LYAR: variants seen among roughly 807,000 people sequenced by gnomAD.
LYAR encodes the protein Ly1 antibody reactive.
In LYAR, 37 loss-of-function variants were observed where a neutral mutation model predicts 45.2. The observed-to-expected ratio is 0.82, with a 90% CI of 0.63 to 1.08. The LOEUF (loss-of-function observed/expected upper bound fraction) is 1.08. Ranked by LOEUF, LYAR falls within the 50% of genes least tolerant of loss-of-function variation. LYAR has a pLI of 0.00. For synonymous variants in LYAR, 176 were observed against 155.1 expected (o/e 1.14, Z -1.00); for missense variants, 493 against 451.0 (o/e 1.09, Z -0.84).
At chr4:4,288,690 T>A (rs1719724652) in intron 1 of LYAR, among the ~76,000 whole-genome samples, 1 of 152,192 alleles carries the variant, frequency 6.6e-6, no homozygotes, top group Non-Finnish European at 1.5e-5. Flanking sequence ...TTCACCATGT[T>A]GGCCAGGCTG....
Position 4,283,783 on chromosome 4 carries a change from T to A in LYAR, c.-41A>T. 1 of 1,546,336 alleles carries A rather than the reference T, an allele frequency of 6.5e-7. No homozygotes were observed. Among genetic ancestry groups the A allele is most frequent in the Middle Eastern group, 1.8e-4 (1 of 5,566 alleles). On this transcript the variant is annotated 5_prime_UTR_variant, in exon 3 of 10. Transcript: ENST00000343470. ...TAAATATTCTCTATCCAAGACAGGT[T>A]TTAAGTCTTGTCCTAAGGAAAAAAA...
intron 8 of LYAR, among the ~76,000 whole-genome samples, chr4:4,271,834 C>A (rs1160870135): frequency 6.6e-5 from 10 of 152,168 alleles, no homozygotes; most frequent in African/African-American, 2.2e-4. Context: ...AGACTAGAAA[C>A]CACCCAGGTG....
chr4:4,273,660 T>A lies in LYAR; in HGVS notation c.842A>T (p.Asp281Val). Residue 281 changes from aspartate (D) to valine (V), a missense_variant, in exon 8 of 10, where the codon GAT (aspartate) becomes GTT (valine). By Grantham distance (152) the Asp-to-Val change is radical. Transcript: ENST00000343470. ...GAGCTTCATCTTTTTCTTCTTAGAA[T>A]CTGTTTCAACTAAGTATTTGGAAAG... is the stretch of plus-strand genomic sequence containing the variant. ...RKRRHSEVET[D>V]SKKKKMKLPE... The A allele has an allele frequency of 6.2e-7, 1 of 1,609,496 alleles. No homozygotes were observed. Among genetic ancestry groups the A allele is most frequent in the South Asian group, 1.1e-5 (1 of 90,760 alleles).
At chr4:4,277,171 C>T (rs752206419) in intron 6 of LYAR, among the ~76,000 whole-genome samples, 5 of 152,074 alleles carry the variant, frequency 3.3e-5, no homozygotes, top group Non-Finnish European at 7.4e-5. Context: ...CTCAACCTCC[C>T]GAGTAGCTGG....
intron 8 of LYAR, among the ~76,000 whole-genome samples, chr4:4,273,294 C>T (rs182334674): frequency 4.9e-4 from 75 of 152,296 alleles, no homozygotes; most frequent in African/African-American, 1.7e-3. Context: ...CTTTCAAATT[C>T]TTATATATAC....
At chr4:4,288,486 C>CTTTTTTTTTTTTTTTTTTTTT (rs11338207) in intron 1 of LYAR, among the ~76,000 whole-genome samples, 1 of 121,018 alleles carries the variant, frequency 8.3e-6, no homozygotes, top group South Asian at 2.6e-4. Flanking sequence ...AATTTTTTTT[C>CTTTTTTTTTTTTTTTTTTTTT]TTTTTTTTTT....
chr4:4,286,111 C>A (rs9684771), intron 2 of LYAR, among the ~76,000 whole-genome samples: 15,682 of 152,238 alleles, frequency 0.1, 2,209 homozygotes, highest in African/African-American at 0.32. Context: ...TCTCTTCCTG[C>A]CTTCCTCCGG....
rs73087759 is a variant in LYAR, at chr4:4,274,667, C to T, written c.532G>A (p.Val178Met). Reference protein sequence around the residue: ...KVPASKVKDAVEQQGEVKKNK... With the variant: ...KVPASKVKDAMEQQGEVKKNK... ...TTCTTCACCTCCCCTTGCTGTTCCA[C>T]GGCGTCTTTCACTTTGGAGGCTGGA... The change falls in exon 7 of 10, where the codon GTG becomes ATG. Residue 178 changes from valine (V) to methionine (M), a missense_variant. Val to Met is a conservative substitution (Grantham distance 21). Transcript: ENST00000343470. 2,040 of 1,614,070 alleles carry T rather than the reference C, an allele frequency of 1.3e-3. 17 individuals are homozygous for T. The African/African-American group carries it at 0.019, about 15-fold the overall frequency.
intron 6 of LYAR, among the ~76,000 whole-genome samples, chr4:4,275,848 A>G (rs1719158527): frequency 6.6e-6 from 1 of 152,120 alleles, no homozygotes; most frequent in Non-Finnish European, 1.5e-5. Flanking sequence ...GGCATGCACC[A>G]CCACACCTGG....
chr4:4,289,169 G>C (rs1401865858), intron 1 of LYAR, among the ~76,000 whole-genome samples: 2 of 152,168 alleles, frequency 1.3e-5, no homozygotes, highest in Admixed American at 6.5e-5. Flanking sequence ...CCTTGCAAAA[G>C]CCCTGGGAAG....
intron 7 of LYAR, among the ~76,000 whole-genome samples, chr4:4,274,007 G>T (rs560447728): frequency 5.9e-5 from 9 of 152,086 alleles, no homozygotes; most frequent in Non-Finnish European, 1.3e-4. Flanking sequence ...GAGGCCGAGG[G>T]GGGCGGATCA....
chr4:4,281,670 G>A lies in LYAR; in HGVS notation c.237+113C>T, dbSNP rs534151587. 9.8e-5 allele frequency: 76 copies of A among 774,534 alleles called. No individual in the cohort carries two copies. The South Asian group carries it at 1.2e-3, about 12-fold the overall frequency. 48.0% of individuals were successfully genotyped at this position (774,534 alleles called of 1,614,324 possible). A position where few individuals can be genotyped will look rare whatever the true frequency, so the allele number is the denominator to read the frequency against. ...GTTCAACCTGTCTATCCTAGGACAT[G>A]AGGTTTCCAGAGCTTGTCTGCAGGG... On this transcript the variant is annotated intron_variant, in intron 4 of 9. Transcript: ENST00000343470.
chr4:4,274,326 C>T (rs373227851), intron 7 of LYAR, 41 bp downstream of exon 7: 108 of 1,575,392 alleles, frequency 6.9e-5, no homozygotes, highest in Non-Finnish European at 8.3e-5. Context: ...ACAGCTTTCC[C>T]GGTTTTCAGA....
intron 1 of LYAR, chr4:4,289,627 G>A (rs1244124217): frequency 1.3e-5 from 2 of 152,374 alleles, no homozygotes; most frequent in Non-Finnish European, 2.9e-5. Flanking sequence ...CATCCAGGTA[G>A]TGGCAACCCA....
At chr4:4,277,099 T>G (rs545961593) in intron 6 of LYAR, among the ~76,000 whole-genome samples, 4 of 152,060 alleles carry the variant, frequency 2.6e-5, no homozygotes, top group African/African-American at 7.2e-5. Context: ...CAGGCTGGAG[T>G]GCAGTGGCAC....
At chr4:4,286,876 C>T (rs1719638867) in intron 1 of LYAR, among the ~76,000 whole-genome samples, 1 of 147,668 alleles carries the variant, frequency 6.8e-6, no homozygotes, top group Non-Finnish European at 1.5e-5. Flanking sequence ...TGGTCTCAAT[C>T]TCCTGACCTC....
At chr4:4,271,175 C>T (rs1399091653) in intron 8 of LYAR, among the ~76,000 whole-genome samples, 2 of 152,096 alleles carry the variant, frequency 1.3e-5, no homozygotes, top group Non-Finnish European at 2.9e-5. Context: ...CCACCCTTTC[C>T]AGTCTCTGGT....
chr4:4,276,651 G>C (rs1219254072), intron 6 of LYAR, among the ~76,000 whole-genome samples: 1 of 152,118 alleles, frequency 6.6e-6, no homozygotes, highest in Non-Finnish European at 1.5e-5. Flanking sequence ...GAGGTCAGGA[G>C]TTTGAGACCA....
rs758619356 is a variant in LYAR at position 4,279,759 on chromosome 4, G to A, written c.238-10C>T. ...TTAATTCACTAATTTTCTACAAAAA[G>A]GGAAGAAAAAAGAAAAACTATTAAT... On this transcript the variant is annotated splice_polypyrimidine_tract_variant and intron_variant, in intron 4 of 9. Coordinates refer to ENST00000343470, the MANE Select transcript of LYAR (RefSeq NM_017816.3). 5 of 1,544,008 alleles carry A rather than the reference G, an allele frequency of 3.2e-6. No individual in the cohort carries two copies. Among genetic ancestry groups the A allele is most frequent in the Admixed American group, 3.7e-5 (2 of 53,440 alleles).
Sources: gnomAD v4.1 joint callset for allele counts (sites outside exome capture counted in the v4.1 genomes callset) on GRCh38, gnomAD v4.1.1 for gene constraint, MANE v1.5 for transcripts, NCBI Gene and HGNC (gene_info 2026-07-23, HGNC 2026-07-21) for gene names.